SYBU: variants seen among roughly 807,000 people sequenced by gnomAD.
SYBU encodes the protein GOLSYN A protein.
A neutral mutation model predicts 35.9 loss-of-function variants in SYBU; 21 were observed. The ratio of observed to expected loss-of-function variants is 0.58; its 90% CI spans 0.41 to 0.84. The LOEUF (loss-of-function observed/expected upper bound fraction) is 0.84, where lower values mean the gene tolerates loss of function less well. Ranked by LOEUF, SYBU falls within the 40% of genes least tolerant of loss-of-function variation. The probability of loss-of-function intolerance (pLI) is 0.00; values close to 1 mark genes in which losing one functional copy is unlikely to be tolerated. For synonymous variants in SYBU, 319 were observed against 324.3 expected (o/e 0.98, Z 0.18); for missense variants, 768 against 848.2 (o/e 0.91, Z 1.17).
upstream of SYBU, among the ~76,000 whole-genome samples, chr8:109,684,073 C>T (rs142899343): frequency 1.3e-3 from 198 of 152,302 alleles, no homozygotes; most frequent in African/African-American, 4.5e-3. Context: ...AACTAATACA[C>T]TTCACCTAAT....
At chr8:109,631,773 T>C (rs1028925609) in intron 2 of SYBU, among the ~76,000 whole-genome samples, 5 of 151,578 alleles carry the variant, frequency 3.3e-5, no homozygotes, top group African/African-American at 1.2e-4. Flanking sequence ...GGCACGGGGG[T>C]GGTGAATTTG....
intron 5 of SYBU, 57 bp downstream of exon 5, chr8:109,579,742 G>T: frequency 1.3e-6 from 2 of 1,488,920 alleles, no homozygotes; most frequent in Admixed American, 3.6e-5. Flanking sequence ...CTTTTTTAAA[G>T]AAAAGCTTAC....
At chr8:109,680,205 C>A (rs1817351522) in intron 1 of SYBU, 1 of 152,172 alleles carries the variant, frequency 6.6e-6, no homozygotes, top group Non-Finnish European at 1.5e-5. Flanking sequence ...AGAGCAAAGC[C>A]TGCAGTACAA....
intron 2 of SYBU, among the ~76,000 whole-genome samples, chr8:109,635,496 G>A (rs1814123872): frequency 6.6e-6 from 1 of 152,020 alleles, no homozygotes; most frequent in South Asian, 2.1e-4. Flanking sequence ...CACTTCTGCT[G>A]GTCACCATCT....
chr8:109,636,556 G>A (rs1366069261), intron 2 of SYBU, among the ~76,000 whole-genome samples: 1 of 152,140 alleles, frequency 6.6e-6, no homozygotes, highest in African/African-American at 2.4e-5. Flanking sequence ...TTTTGGCGAA[G>A]GCTTGCAAAA....
At chr8:109,681,510 C>G (rs1276098784), upstream of SYBU, among the ~76,000 whole-genome samples, 1 of 152,062 alleles carries the variant, frequency 6.6e-6, no homozygotes, top group Non-Finnish European at 1.5e-5. Context: ...TATGTAATGT[C>G]AAATTTTTAA....
At chr8:109,591,506 A>T (rs868068096) in intron 3 of SYBU, among the ~76,000 whole-genome samples, 54 of 100,918 alleles carry the variant, frequency 5.4e-4, no homozygotes, top group African/African-American at 1.6e-3. Context: ...AAAAATGTAA[A>T]TTTTTTTTTT....
At chr8:109,653,617 T>G (rs1300687331) in intron 1 of SYBU, among the ~76,000 whole-genome samples, 1 of 152,188 alleles carries the variant, frequency 6.6e-6, no homozygotes, top group Non-Finnish European at 1.5e-5. Flanking sequence ...TGCCTGGCAA[T>G]CATTTTGGGC....
At chr8:109,652,981 C>A (rs906759413) in intron 1 of SYBU, among the ~76,000 whole-genome samples, 20 of 152,122 alleles carry the variant, frequency 1.3e-4, no homozygotes, top group African/African-American at 4.8e-4. Context: ...TTGTAATAAG[C>A]CCAGCATAGT....
chr8:109,671,960 G>A (rs969523725), intron 1 of SYBU, among the ~76,000 whole-genome samples: 1 of 152,102 alleles, frequency 6.6e-6, no homozygotes, highest in African/African-American at 2.4e-5. Context: ...GGAGTGCAAT[G>A]GCATGATCTC....
chr8:109,619,039 T>C lies in SYBU; in HGVS notation c.230A>G (p.Asp77Gly), dbSNP rs1812138413. The C allele has an allele frequency of 1.9e-6, 3 of 1,612,714 alleles. No homozygotes were observed. Among genetic ancestry groups the C allele is most frequent in the Non-Finnish European group, 2.5e-6 (3 of 1,178,970 alleles). ...CTGGCTGCTAGGACAGCCTGTGTCA[T>C]CTAGAAGACAGGAATCAATAAGTGT... ...RTVSSNSFCS[D>G]DTGCPSSQSV... Residue 77 changes from aspartate to glycine, a missense_variant and splice_region_variant, in exon 3 of 7, where the codon GAT (aspartate) becomes GGT (glycine). Asp to Gly is a moderately conservative substitution (Grantham distance 94, BLOSUM62 -1). Transcript: ENST00000276646.
chr8:109,577,963 G>A lies in SYBU; in HGVS notation c.789C>T (p.Asn263=). 3 of 1,613,986 alleles carry A rather than the reference G, an allele frequency of 1.9e-6. No homozygotes were observed. The highest frequency in any genetic ancestry group is 1.7e-6 in the Non-Finnish European group (2 of 1,179,954). ...CGENHGVRPP[N]PEQYLTPLQQ... ...GCAGTGGAGTCAAATACTGCTCTGG[G>A]TTTGGGGGTCTGACACCATGATTTT... Residue 263 remains asparagine, a synonymous_variant, in exon 6 of 7, where the codon AAC becomes AAT. Transcript: ENST00000276646.
chr8:109,614,800 G>A (rs1329848068), intron 3 of SYBU, among the ~76,000 whole-genome samples: 1 of 152,210 alleles, frequency 6.6e-6, no homozygotes, highest in Non-Finnish European at 1.5e-5. Context: ...GCTCCTTGGT[G>A]GCAATTTTTA....
chr8:109,627,567 A>T (rs575152751), intron 2 of SYBU, among the ~76,000 whole-genome samples: 1 of 152,218 alleles, frequency 6.6e-6, no homozygotes. Context: ...TAAAAATTTC[A>T]TGGGCACAGA....
chr8:109,607,870 T>G, intron 3 of SYBU: 6 of 903,962 alleles, frequency 6.6e-6, no homozygotes, highest in Non-Finnish European at 1.0e-5. Flanking sequence ...GCCTCTGTGA[T>G]CCAATATAAT....
intron 2 of SYBU, among the ~76,000 whole-genome samples, chr8:109,634,199 T>G (rs1813957092): frequency 6.6e-6 from 1 of 152,202 alleles, no homozygotes; most frequent in Admixed American, 6.5e-5. Context: ...TGCCATTTTA[T>G]GCTTTGCTTC....
chr8:109,674,998 C>A (rs138129774), intron 1 of SYBU, among the ~76,000 whole-genome samples: 1 of 152,146 alleles, frequency 6.6e-6, no homozygotes, highest in South Asian at 2.1e-4. Flanking sequence ...CTAAAAACTG[C>A]ACAACTACAT....
chr8:109,662,942 C>T (rs1816617577), intron 1 of SYBU, among the ~76,000 whole-genome samples: 1 of 152,098 alleles, frequency 6.6e-6, no homozygotes, highest in South Asian at 2.1e-4. Flanking sequence ...GCCCCAAACA[C>T]AGTAAACATA....
intron 1 of SYBU, among the ~76,000 whole-genome samples, chr8:109,677,028 G>A (rs895321968): frequency 1.5e-4 from 23 of 149,122 alleles, no homozygotes; most frequent in African/African-American, 5.2e-4. Context: ...GTCTTTCAGG[G>A]TGTTCATGTG....
Sources: allele counts gnomAD v4.1 joint callset (sites outside exome capture counted in the v4.1 genomes callset), GRCh38; gene constraint gnomAD v4.1.1; transcripts MANE v1.5; gene names NCBI Gene and HGNC (gene_info 2026-07-23, HGNC 2026-07-21).